The following BABAM2 variants were observed in gnomAD, a reference collection of about 807,000 sequenced individuals.
BABAM2 encodes BRISC and BRCA1 A complex member 2.
BABAM2 carries 31 observed loss-of-function variants against 54.7 expected under a neutral mutation model. The ratio of observed to expected loss-of-function variants is 0.57; its 90% CI spans 0.43 to 0.77. BABAM2 has a LOEUF of 0.77. Among genes scored for constraint, BABAM2 ranks in the 30% least tolerant of loss-of-function variants. The probability of loss-of-function intolerance (pLI) is 0.00; values close to 1 mark genes in which losing one functional copy is unlikely to be tolerated. For synonymous variants in BABAM2, 167 were observed against 162.9 expected, an observed-to-expected ratio of 1.03 and a Z score of -0.19; for missense variants, 364 against 455.8, an observed-to-expected ratio of 0.80 and a Z score of 1.83.
intron 10 of BABAM2, among the ~76,000 whole-genome samples, chr2:28,256,170 T>C (rs1683954577): frequency 6.6e-6 from 1 of 152,232 alleles, no homozygotes; most frequent in Non-Finnish European, 1.5e-5. Context: ...ATCATTTCTT[T>C]AGCAGATACA....
intron 7 of BABAM2, among the ~76,000 whole-genome samples, chr2:28,225,011 A>T (rs745871589): frequency 2.6e-5 from 4 of 152,214 alleles, no homozygotes; most frequent in Admixed American, 6.5e-5. Context: ...ATAGGGAGTG[A>T]ACTGTTTAGT....
intron 11 of BABAM2, 118 bp downstream of exon 11, chr2:28,298,609 GT>G: frequency 1.6e-6 from 2 of 1,263,002 alleles, no homozygotes; most frequent in Non-Finnish European, 2.2e-6. Context: ...TGTAAATAAA[GT>G]TTTATAGAAA....
intron 7 of BABAM2, among the ~76,000 whole-genome samples, chr2:28,154,281 C>T (rs1230644600): frequency 6.6e-6 from 1 of 152,202 alleles, no homozygotes; most frequent in African/African-American, 2.4e-5. Flanking sequence ...CAAGAGAGGT[C>T]AGTTTTAAGT....
At chr2:28,310,252 C>T in intron 11 of BABAM2, 1 of 1,233,320 alleles carries the variant, frequency 8.1e-7, no homozygotes, top group Non-Finnish European at 1.2e-6. Flanking sequence ...CCAATACAGC[C>T]CTCATCCCAG....
intron 4 of BABAM2, among the ~76,000 whole-genome samples, chr2:28,013,813 G>A (rs1674593708): frequency 6.6e-6 from 1 of 151,410 alleles, no homozygotes; most frequent in Non-Finnish European, 1.5e-5. Flanking sequence ...TCAAGATAAA[G>A]GAGGGGCAGA....
intron 6 of BABAM2, among the ~76,000 whole-genome samples, chr2:28,120,483 A>G (rs986036356): frequency 3.3e-5 from 5 of 152,212 alleles, no homozygotes; most frequent in African/African-American, 4.8e-5. Context: ...GAGTCAGCAT[A>G]CATGGGTTCA....
chr2:27,910,342 A>G (rs1666492244), intron 2 of BABAM2, among the ~76,000 whole-genome samples: 1 of 150,858 alleles, frequency 6.6e-6, no homozygotes, highest in Non-Finnish European at 1.5e-5. Context: ...AGAAACAAAA[A>G]AGGTTAGTTG....
At chr2:28,024,725 C>T (rs139392167) in intron 4 of BABAM2, among the ~76,000 whole-genome samples, 15 of 152,232 alleles carry the variant, frequency 9.9e-5, no homozygotes, top group Middle Eastern at 3.4e-3. Flanking sequence ...CAGGCCTAAC[C>T]GTCACCATTG....
chr2:28,282,234 A>C (rs1259213340), intron 10 of BABAM2, among the ~76,000 whole-genome samples: 1 of 152,236 alleles, frequency 6.6e-6, no homozygotes, highest in Non-Finnish European at 1.5e-5. Context: ...AAACAAGGAC[A>C]TGGAAACATC....
chr2:28,069,187 C>T (rs920773326), intron 6 of BABAM2, among the ~76,000 whole-genome samples: 1 of 152,118 alleles, frequency 6.6e-6, no homozygotes, highest in Non-Finnish European at 1.5e-5. Context: ...CTTTAGTTAG[C>T]CTTTTCAACA....
intron 7 of BABAM2, among the ~76,000 whole-genome samples, chr2:28,184,263 C>CCTCTCTCTCTCTCTCTCTCTCTCTCTCT (rs757881813): frequency 1.7e-5 from 1 of 59,372 alleles, no homozygotes. Context: ...TCCCTCCCTC[C>CCTCTCTCTCTCTCTCTCTCTCTCTCTCT]CTCTCTCTCT....
intron 7 of BABAM2, among the ~76,000 whole-genome samples, chr2:28,196,975 G>C (rs1573814677): frequency 6.8e-6 from 1 of 147,834 alleles, no homozygotes; most frequent in Non-Finnish European, 1.5e-5. Context: ...CTCCCGAATA[G>C]ATGGGACTAC....
intron 7 of BABAM2, among the ~76,000 whole-genome samples, chr2:28,157,702 C>T (rs927464367): frequency 3.9e-5 from 6 of 152,166 alleles, no homozygotes; most frequent in African/African-American, 1.4e-4. Flanking sequence ...ACCTCCAACT[C>T]CTTGGTTCAA....
chr2:28,217,337 A>C (rs1307401949), intron 7 of BABAM2, among the ~76,000 whole-genome samples: 1 of 152,222 alleles, frequency 6.6e-6, no homozygotes, highest in African/African-American at 2.4e-5. Context: ...AATAATGCTC[A>C]GAGGCATTTT....
chr2:28,153,366 C>T (rs1002147597), intron 7 of BABAM2, among the ~76,000 whole-genome samples: 7 of 152,174 alleles, frequency 4.6e-5, no homozygotes, highest in African/African-American at 1.4e-4. Flanking sequence ...GTCTTTTCTT[C>T]TGCCTTACTT....
intron 7 of BABAM2, among the ~76,000 whole-genome samples, chr2:28,178,284 G>A (rs540900570): frequency 6.6e-6 from 1 of 152,036 alleles, no homozygotes. Context: ...TCTAAAAATT[G>A]AAATTATACC....
At chr2:27,987,246 A>C (rs1435452676) in intron 3 of BABAM2, among the ~76,000 whole-genome samples, 1 of 152,198 alleles carries the variant, frequency 6.6e-6, no homozygotes, top group African/African-American at 2.4e-5. Context: ...ATATAAATCT[A>C]AGTTTTTGTG....
intron 7 of BABAM2, among the ~76,000 whole-genome samples, chr2:28,132,307 T>G (rs1038459656): frequency 1.8e-4 from 27 of 151,726 alleles, no homozygotes; most frequent in Non-Finnish European, 3.7e-4. Flanking sequence ...CCCGGCTAAT[T>G]TTTTGTATTT....
intron 4 of BABAM2, among the ~76,000 whole-genome samples, chr2:28,003,726 T>A (rs769505103): frequency 2.0e-5 from 3 of 152,174 alleles, no homozygotes; most frequent in Admixed American, 6.5e-5. Context: ...TTATGCAGGA[T>A]CTATGTATTT....
Sources: gnomAD v4.1 joint callset for allele counts (sites outside exome capture counted in the v4.1 genomes callset) on GRCh38, gnomAD v4.1.1 for gene constraint, MANE v1.5 for transcripts, NCBI Gene and HGNC (gene_info 2026-07-23, HGNC 2026-07-21) for gene names.